Variants in FANCC observed in about 807,000 individuals in gnomAD.
FANCC encodes the protein Fanconi anemia group C protein.
FANCC carries 55 observed loss-of-function variants against 71.3 expected under a neutral mutation model. The ratio of observed to expected loss-of-function variants is 0.77; its 90% confidence interval spans 0.62 to 0.97. FANCC has a LOEUF of 0.97. FANCC is among the 50% of genes least tolerant of loss of function. FANCC has a pLI of 0.00. For missense variants in FANCC, 678 were observed against 670.9 expected (o/e 1.01, Z -0.12); for synonymous variants, 275 against 244.9 (o/e 1.12, Z -1.15).
At chr9:95,257,729 C>A (rs577584416) in intron 1 of FANCC, among the ~76,000 whole-genome samples, 117 of 152,186 alleles carry the variant, frequency 7.7e-4, no homozygotes, top group Non-Finnish European at 1.3e-3. Context: ...TCAAAAAAAT[C>A]AATGAATCCA....
chr9:95,227,054 T>C (rs898812430), intron 4 of FANCC, among the ~76,000 whole-genome samples: 1 of 152,160 alleles, frequency 6.6e-6, no homozygotes, highest in Admixed American at 6.5e-5. Flanking sequence ...TTCTACTCCA[T>C]AGCTGTTCCT....
intron 10 of FANCC, among the ~76,000 whole-genome samples, chr9:95,119,330 C>T (rs1209435563): frequency 6.6e-6 from 1 of 150,594 alleles, no homozygotes; most frequent in African/African-American, 2.4e-5. Context: ...TCCTAGCTAA[C>T]GGCTTGCTTT....
chr9:95,265,149 A>G (rs975456754), intron 1 of FANCC, among the ~76,000 whole-genome samples: 3 of 152,166 alleles, frequency 2.0e-5, no homozygotes, highest in African/African-American at 7.2e-5. Flanking sequence ...CACCTCTGAG[A>G]TAGTCTAATC....
intron 1 of FANCC, among the ~76,000 whole-genome samples, chr9:95,282,460 CAGAT>C (rs1026291438): frequency 5.9e-5 from 9 of 152,062 alleles, no homozygotes; most frequent in African/African-American, 1.2e-4. Context: ...TCTCAAGAAA[CAGAT>C]AGATTGTAAC....
intron 1 of FANCC, among the ~76,000 whole-genome samples, chr9:95,267,707 T>A (rs1198127976): frequency 6.6e-6 from 1 of 151,982 alleles, no homozygotes; most frequent in Non-Finnish European, 1.5e-5. Flanking sequence ...CAACAAAATA[T>A]ATTTAAGGTG....
intron 4 of FANCC, among the ~76,000 whole-genome samples, chr9:95,200,070 TAA>T (rs1466688521): frequency 6.6e-6 from 1 of 152,232 alleles, no homozygotes; most frequent in Admixed American, 6.5e-5. Context: ...CTCTCATTTC[TAA>T]GTTTTCATGG....
intron 1 of FANCC, among the ~76,000 whole-genome samples, chr9:95,253,259 T>A (rs920689193): frequency 6.6e-6 from 1 of 152,074 alleles, no homozygotes; most frequent in Non-Finnish European, 1.5e-5. Context: ...GCTGCCAGCA[T>A]CTGGTTAATT....
intron 1 of FANCC, 154 bp downstream of exon 1, chr9:95,317,372 C>A (rs1411639983): frequency 6.6e-6 from 1 of 152,306 alleles, no homozygotes; most frequent in Non-Finnish European, 1.5e-5. Flanking sequence ...GGCGGGAACC[C>A]CTCTCGCCCA....
intron 4 of FANCC, among the ~76,000 whole-genome samples, chr9:95,208,568 A>C (rs1828296594): frequency 1.3e-5 from 2 of 152,242 alleles, no homozygotes. Flanking sequence ...TACTTGATTA[A>C]AAAATGCACC....
At chr9:95,215,525 C>A (rs994143064) in intron 4 of FANCC, among the ~76,000 whole-genome samples, 1 of 152,184 alleles carries the variant, frequency 6.6e-6, no homozygotes, top group Admixed American at 6.5e-5. Flanking sequence ...CTCCTCCCCC[C>A]GAAAGGTGGG....
At chr9:95,235,844 C>CAAAAAAAAAAAA (rs10666439) in intron 4 of FANCC, among the ~76,000 whole-genome samples, 1 of 36,226 alleles carries the variant, frequency 2.8e-5, no homozygotes, top group Non-Finnish European at 4.4e-5. Context: ...AACTCCACCT[C>CAAAAAAAAAAAA]AAAAAAAAAA....
chr9:95,292,838 C>CA, intron 1 of FANCC: 7 of 1,584,660 alleles, frequency 4.4e-6, no homozygotes, highest in Non-Finnish European at 6.1e-6. Flanking sequence ...ACAAATGTAG[C>CA]AAGTGCAGCA....
chr9:95,110,636 CT>C lies in FANCC; in HGVS notation c.1329+826del, dbSNP rs1588044007. ...GCCTTTAAACAAAATACGCAGACAT[CT>C]TTATTAGTCTGTGTGTTTTCAAACA... On this transcript the variant is annotated intron_variant, in intron 13 of 14. Transcript: ENST00000289081. The C allele has an allele frequency of 4.8e-6, 5 of 1,043,660 alleles. No individual in the cohort carries two copies. The East Asian group carries it at 2.9e-4, about 60-fold the overall frequency. 64.6% of individuals were successfully genotyped at this position (1,043,660 alleles called of 1,614,324 possible).
chr9:95,271,320 A>G (rs115555705), intron 1 of FANCC, among the ~76,000 whole-genome samples: 2 of 152,212 alleles, frequency 1.3e-5, no homozygotes, highest in African/African-American at 4.8e-5. Context: ...CAACTACTAC[A>G]AAGTGGTAAC....
rs781108327 is a variant in FANCC at position 95,125,076 on chromosome 9, T to TA, written c.996+9dup. Reference sequence around the variant, plus strand: ...TGGGATGAATGAGTAATATATGTGATATAACAAACCTGCTTGCTTGCTTTC... The same window carrying TA: ...TGGGATGAATGAGTAATATATGTGATAATAACAAACCTGCTTGCTTGCTTTC... On this transcript the variant is annotated intron_variant, in intron 10 of 14. Transcript: ENST00000289081. 1.2e-5 allele frequency: 20 copies of TA among 1,609,910 alleles called. No individual in the cohort carries two copies. Among genetic ancestry groups the TA allele is most frequent in the Non-Finnish European group, 1.4e-5 (17 of 1,176,270 alleles).
intron 1 of FANCC, among the ~76,000 whole-genome samples, chr9:95,315,192 C>G (rs1835666373): frequency 6.6e-6 from 1 of 152,156 alleles, no homozygotes; most frequent in African/African-American, 2.4e-5. Flanking sequence ...TGCCTGCTAG[C>G]CCCCAGTCCA....
chr9:95,135,433 T>G lies in FANCC; in HGVS notation c.756A>C (p.Lys252Asn). 6.2e-7 allele frequency: 1 copy of G among 1,613,818 alleles called. No individual in the cohort carries two copies. The highest frequency in any genetic ancestry group is 8.5e-7 in the Non-Finnish European group (1 of 1,179,784). The change falls in exon 8 of 15, where the codon AAA becomes AAC. Residue 252 changes from lysine to asparagine, a missense_variant. Lys to Asn is a moderately conservative substitution (Grantham distance 94, BLOSUM62 0). Transcript: ENST00000289081. ...LWLRHLPSLEKAMLHLFEKLI... is the reference protein window; with the variant it reads ...LWLRHLPSLENAMLHLFEKLI... ...GCTTTTCAAAAAGATGCAGCATTGC[T>G]TTTTCAAGGCTGGGAAGGTGCCGAA...
At chr9:95,130,544 A>C (rs970738654) in intron 8 of FANCC, among the ~76,000 whole-genome samples, 2 of 152,226 alleles carry the variant, frequency 1.3e-5, no homozygotes, top group Non-Finnish European at 2.9e-5. Flanking sequence ...GAAGTTCATT[A>C]AGCCTGGAAT....
rs930356778 is a variant in FANCC, at chr9:95,313,201, T to C, written c.-79+4325A>G. Among the ~76,000 whole-genome samples the C allele has an allele frequency of 3.3e-5, 5 of 151,892 alleles. No individual in the cohort carries two copies. The East Asian group carries it at 7.7e-4, about 23-fold the overall frequency. ...CGGCACCCAAGCACGGGAGCCAGCG[T>C]TGGGGAAGCGGCACACCCCAGGGAG... On this transcript the variant is annotated intron_variant, in intron 1 of 14. Transcript: ENST00000289081.
Sources: gnomAD v4.1 joint callset for allele counts (sites outside exome capture counted in the v4.1 genomes callset) on GRCh38, gnomAD v4.1.1 for gene constraint, MANE v1.5 for transcripts, NCBI Gene and HGNC (gene_info 2026-07-23, HGNC 2026-07-21) for gene names.